ASTN1: variants seen among roughly 807,000 people sequenced by gnomAD.
ASTN1 encodes the protein astrotactin-1.
ASTN1 carries 41 observed loss-of-function variants against 140.7 expected under a neutral mutation model. That is an observed-to-expected ratio of 0.29 (90% CI 0.23 to 0.38). The LOEUF (loss-of-function observed/expected upper bound fraction) is 0.38, where lower values mean the gene tolerates loss of function less well. Ranked by LOEUF, ASTN1 falls within the 10% of genes least tolerant of loss-of-function variation. The probability of loss-of-function intolerance (pLI) is 1.00; values close to 1 mark genes in which losing one functional copy is unlikely to be tolerated. For synonymous variants in ASTN1, 640 were observed against 652.2 expected (o/e 0.98, Z 0.29); for missense variants, 1,479 against 1,678.8 (o/e 0.88, Z 2.08).
chr1:176,997,433 A>G lies in ASTN1; in HGVS notation c.1523+17358T>C, dbSNP rs115748806. Among the ~76,000 whole-genome samples, 1,031 of 152,184 alleles carry G rather than the reference A, an allele frequency of 6.8e-3. 16 individuals are homozygous for G. The highest frequency in any genetic ancestry group is 0.024 in the African/African-American group (980 of 41,518). ...TTCAAGTTTCGCATCTCAAAAATGG[A>G]TAAGACCCTAGAGGACTATTGTGAG... On this transcript the variant is annotated intron_variant, in intron 8 of 22. Coordinates refer to ENST00000361833, the MANE Select transcript of ASTN1 (RefSeq NM_004319.3).
intron 1 of ASTN1, among the ~76,000 whole-genome samples, chr1:177,065,649 C>G (rs1308425712): frequency 6.6e-6 from 1 of 152,090 alleles, no homozygotes; most frequent in Non-Finnish European, 1.5e-5. Context: ...TTTGCAGAAC[C>G]ACAGGAGGTC....
At chr1:176,882,816 A>G (rs749829368) in intron 20 of ASTN1, 43 bp downstream of exon 20, 29 of 1,611,392 alleles carry the variant, frequency 1.8e-5, no homozygotes, top group Admixed American at 6.7e-5. Flanking sequence ...AAGCCTTGGG[A>G]CTGTCAGGGT....
intron 16 of ASTN1, among the ~76,000 whole-genome samples, chr1:176,911,732 T>G (rs1032279710): frequency 6.6e-6 from 1 of 152,184 alleles, no homozygotes; most frequent in African/African-American, 2.4e-5. Flanking sequence ...CCTGAAGCTG[T>G]CTTACAGTTA....
rs538910539 is a variant in ASTN1 at position 177,041,640 on chromosome 1, C to G, written c.472-8791G>C. Reference sequence around the variant, plus strand: ...TCTTTGTTTTTATGCAGTAGGTGATCTTGATGAAATAAAATAATAACAATA... The same window carrying G: ...TCTTTGTTTTTATGCAGTAGGTGATGTTGATGAAATAAAATAATAACAATA... On this transcript the variant is annotated intron_variant, in intron 2 of 22. Transcript: ENST00000361833. 5.3e-5 allele frequency among the ~76,000 whole-genome samples: 8 copies of G among 152,326 alleles called. No individual in the cohort carries two copies. The South Asian group carries it at 1.7e-3, about 32-fold the overall frequency.
chr1:177,116,154 C>T (rs567995890), intron 1 of ASTN1, among the ~76,000 whole-genome samples: 6 of 152,158 alleles, frequency 3.9e-5, no homozygotes, highest in Admixed American at 2.6e-4. Flanking sequence ...TAGCCAACAC[C>T]GAGGCAAATG....
At chr1:177,004,650 T>C (rs1293823165) in intron 8 of ASTN1, among the ~76,000 whole-genome samples, 3 of 151,924 alleles carry the variant, frequency 2.0e-5, no homozygotes, top group Non-Finnish European at 4.4e-5. Flanking sequence ...AGGAACAGAA[T>C]AGAGAACCCA....
intron 22 of ASTN1, among the ~76,000 whole-genome samples, chr1:176,865,419 TA>T (rs1393767476): frequency 1.3e-5 from 2 of 152,160 alleles, no homozygotes; most frequent in Admixed American, 6.5e-5. Flanking sequence ...GTGTCATAGA[TA>T]AAGAAAGTGT....
In ASTN1 at chr1:176,965,817, G is replaced by T. The variant is rs1672855829; in HGVS notation, c.1524-580C>A. Among the ~76,000 whole-genome samples the T allele has an allele frequency of 3.3e-5, 5 of 152,266 alleles. No individual in the cohort carries two copies. The South Asian group carries it at 1.0e-3, about 32-fold the overall frequency. ...CATGTTTTCTTTTCTTATTCAAAAT[G>T]ACAAGAGGATTCTGGGTCTTTGATA... is the stretch of plus-strand genomic sequence containing the variant. On this transcript the variant is annotated intron_variant, in intron 8 of 22. Coordinates refer to ENST00000361833, the MANE Select transcript of ASTN1 (RefSeq NM_004319.3).
intron 16 of ASTN1, among the ~76,000 whole-genome samples, chr1:176,914,761 G>A (rs555525774): frequency 2.0e-5 from 3 of 152,322 alleles, no homozygotes; most frequent in African/African-American, 7.2e-5. Flanking sequence ...CGACCTTGGA[G>A]GTCTGGGAGT....
intron 1 of ASTN1, among the ~76,000 whole-genome samples, chr1:177,115,831 C>G (rs1379935518): frequency 2.0e-5 from 3 of 151,340 alleles, no homozygotes; most frequent in Non-Finnish European, 4.4e-5. Flanking sequence ...AATAATATTC[C>G]TTCAGGTCTT....
At chr1:177,089,759 T>TTC (rs1233748734) in intron 1 of ASTN1, among the ~76,000 whole-genome samples, 3 of 152,154 alleles carry the variant, frequency 2.0e-5, no homozygotes, top group African/African-American at 7.2e-5. Flanking sequence ...TCTGGGTTCT[T>TTC]TCTCAACCCT....
chr1:177,038,017 C>T (rs1050909958), intron 2 of ASTN1, among the ~76,000 whole-genome samples: 4 of 152,092 alleles, frequency 2.6e-5, no homozygotes, highest in Non-Finnish European at 4.4e-5. Flanking sequence ...TTTTATGTAA[C>T]AATGTGTTAC....
At chr1:176,987,227 T>C (rs1051937092) in intron 8 of ASTN1, among the ~76,000 whole-genome samples, 26 of 152,178 alleles carry the variant, frequency 1.7e-4, no homozygotes, top group Admixed American at 4.6e-4. Flanking sequence ...AGACAATAAA[T>C]ATTTTTGGCA....
intron 7 of ASTN1, 37 bp downstream of exon 7, chr1:177,023,367 C>A (rs1275761307): frequency 6.5e-7 from 1 of 1,548,430 alleles, no homozygotes; most frequent in South Asian, 1.2e-5. Context: ...GGCATGATCT[C>A]TCTGACAGTT....
At chr1:177,070,272 T>A (rs1371493779) in intron 1 of ASTN1, among the ~76,000 whole-genome samples, 2 of 152,202 alleles carry the variant, frequency 1.3e-5, no homozygotes, top group Admixed American at 1.3e-4. Flanking sequence ...AACTGTATAC[T>A]AGACCCAGTG....
intron 8 of ASTN1, among the ~76,000 whole-genome samples, chr1:176,967,324 AAAAAGGTGGTTTATGCACAGCT>A (rs1276918473): frequency 6.6e-6 from 1 of 152,148 alleles, no homozygotes; most frequent in East Asian, 1.9e-4. Context: ...TGCTGAACAG[AAAAAGGTGGTTTATGCACAGCT>A]AAAAATATCT....
downstream of ASTN1, among the ~76,000 whole-genome samples, chr1:176,859,298 T>C (rs1404985989): frequency 1.3e-5 from 2 of 152,174 alleles, no homozygotes; most frequent in Non-Finnish European, 2.9e-5. Flanking sequence ...TGCCCCACCC[T>C]TCTTCTTGCT....
At chr1:177,010,881 T>C (rs1402732149) in intron 8 of ASTN1, among the ~76,000 whole-genome samples, 4 of 152,136 alleles carry the variant, frequency 2.6e-5, no homozygotes, top group Non-Finnish European at 4.4e-5. Flanking sequence ...CCCCAAGAGG[T>C]TTCGTGTTTG....
At chr1:177,106,299 A>G (rs1211154286) in intron 1 of ASTN1, among the ~76,000 whole-genome samples, 2 of 152,196 alleles carry the variant, frequency 1.3e-5, no homozygotes, top group East Asian at 3.9e-4. Flanking sequence ...TGTATCCTTT[A>G]TATTCCTCTC....
Sources: gnomAD v4.1 joint callset for allele counts (sites outside exome capture counted in the v4.1 genomes callset) on GRCh38, gnomAD v4.1.1 for gene constraint, MANE v1.5 for transcripts, NCBI Gene and HGNC (gene_info 2026-07-23, HGNC 2026-07-21) for gene names.